DCC: variants seen among roughly 807,000 people sequenced by gnomAD.
DCC encodes the protein netrin receptor DCC.
In DCC, 58 loss-of-function variants were observed where a neutral mutation model predicts 172.5. The observed-to-expected ratio is 0.34, with a 90% CI of 0.27 to 0.42. The LOEUF is 0.42. Among genes scored for constraint, DCC ranks in the 10% least tolerant of loss-of-function variants. The pLI is 1.00. For synonymous variants in DCC, 709 were observed against 644.5 expected (o/e 1.10, Z -1.52); for missense variants, 1,740 against 1,791.0 (o/e 0.97, Z 0.51).
intron 2 of DCC, among the ~76,000 whole-genome samples, chr18:52,849,206 A>G (rs150573264): frequency 1.2e-4 from 19 of 152,304 alleles, no homozygotes; most frequent in African/African-American, 4.1e-4. Context: ...CAGAATTAGT[A>G]CTGTCCAGCA....
chr18:53,306,690 C>T (rs1038913240), intron 13 of DCC, among the ~76,000 whole-genome samples: 1 of 152,220 alleles, frequency 6.6e-6, no homozygotes, highest in Non-Finnish European at 1.5e-5. Context: ...TCTGCAGACA[C>T]ATAGGTGTCT....
intron 5 of DCC, among the ~76,000 whole-genome samples, chr18:53,013,158 T>C (rs2041755244): frequency 6.6e-6 from 1 of 152,106 alleles, no homozygotes; most frequent in Non-Finnish European, 1.5e-5. Flanking sequence ...TGGAAGACAG[T>C]GTGGTGATTC....
chr18:53,327,808 A>C (rs79836387), intron 14 of DCC, among the ~76,000 whole-genome samples: 1 of 152,178 alleles, frequency 6.6e-6, no homozygotes, highest in Non-Finnish European at 1.5e-5. Context: ...TTTGGTGTGC[A>C]CAGAGGAGTG....
chr18:53,367,106 G>A (rs2058014113), intron 15 of DCC, among the ~76,000 whole-genome samples: 1 of 152,118 alleles, frequency 6.6e-6, no homozygotes, highest in Non-Finnish European at 1.5e-5. Context: ...ACAAGTATGT[G>A]AAGATTCATC....
chr18:52,773,844 T>TATA (rs1271449930), intron 2 of DCC, among the ~76,000 whole-genome samples: 6,959 of 151,238 alleles, frequency 0.046, 579 homozygotes, highest in East Asian at 0.41. Flanking sequence ...ATATATATAT[T>TATA]TTTTAAAGGT....
chr18:53,247,350 G>A (rs2056377389), intron 12 of DCC, among the ~76,000 whole-genome samples: 2 of 152,074 alleles, frequency 1.3e-5, no homozygotes, highest in African/African-American at 4.8e-5. Flanking sequence ...ATATTGTTTA[G>A]ACATCCCATA....
chr18:53,459,336 A>T lies in DCC; in HGVS notation c.3497A>T (p.Glu1166Val), dbSNP rs2045522108. The change falls in exon 24 of 29, where the codon GAA (glutamate) becomes GTA (valine). Residue 1166 changes from glutamate (E) to valine (V), a missense_variant. By Grantham distance (121) the Glu-to-Val change is moderately radical. This residue lies in a region of DCC where 1,732 missense variants were observed against 1,767.4 expected (regional missense o/e 0.98). Transcript: ENST00000442544. ...GAAGAAATGGAGATGAAAAATATTGAAAAGCCATCTGGCACTGACCCTGCA... is the reference window on the plus strand; with the variant it reads ...GAAGAAATGGAGATGAAAAATATTGTAAAGCCATCTGGCACTGACCCTGCA... Reference protein sequence around the residue: ...HHEEMEMKNIEKPSGTDPAGR... With the variant: ...HHEEMEMKNIVKPSGTDPAGR... The T allele has an allele frequency of 1.2e-6, 2 of 1,613,984 alleles. No homozygotes were observed. Among genetic ancestry groups the T allele is most frequent in the Non-Finnish European group, 1.7e-6 (2 of 1,179,998 alleles).
At chr18:52,962,053 GACTTCA>G (rs1270423867) in intron 5 of DCC, among the ~76,000 whole-genome samples, 1 of 151,878 alleles carries the variant, frequency 6.6e-6, no homozygotes, top group Non-Finnish European at 1.5e-5. Context: ...CATGGGCAAG[GACTTCA>G]TGTCTAAAAC....
At position 52,906,506 on chromosome 18, in the gene DCC, C is replaced by CTT. The variant is rs11322229; in HGVS notation, c.697+191_697+192dup. Among the ~76,000 whole-genome samples the CTT allele has an allele frequency of 4.0e-4, 56 of 139,684 alleles. 1 individual carries two copies. The highest frequency in any genetic ancestry group is 1.4e-3 in the African/African-American group (53 of 38,032). 91.6% of individuals were successfully genotyped at this position (139,684 alleles called of 152,430 possible). A position where few individuals can be genotyped will look rare whatever the true frequency, so the allele number is the denominator to read the frequency against. On this transcript the variant is annotated intron_variant, in intron 3 of 28. Transcript: ENST00000442544. ...CAATCAGGTTGTACCAAAAGCTGTT[C>CTT]TTTTTTTTTTTTTTCATGTCTTGTT...
At chr18:52,945,747 C>T (rs1186166677) in intron 5 of DCC, among the ~76,000 whole-genome samples, 1 of 146,356 alleles carries the variant, frequency 6.8e-6, no homozygotes, top group African/African-American at 2.5e-5. Flanking sequence ...CAGCCTCCCC[C>T]AAGCTGTCCA....
At chr18:52,849,868 A>G (rs1287138054) in intron 2 of DCC, among the ~76,000 whole-genome samples, 1 of 152,158 alleles carries the variant, frequency 6.6e-6, no homozygotes, top group Non-Finnish European at 1.5e-5. Context: ...GGGCTTTTCC[A>G]CTTTACTGGA....
intron 2 of DCC, among the ~76,000 whole-genome samples, chr18:52,764,241 A>G (rs2037208224): frequency 6.6e-6 from 1 of 152,164 alleles, no homozygotes; most frequent in Non-Finnish European, 1.5e-5. Context: ...CCTACTGCCT[A>G]CTCTGATAAG....
intron 7 of DCC, among the ~76,000 whole-genome samples, chr18:53,117,526 C>G (rs1276543317): frequency 2.0e-5 from 3 of 151,672 alleles, no homozygotes; most frequent in Admixed American, 1.3e-4. Flanking sequence ...ATTTGTATTG[C>G]TGTTTCAAAA....
chr18:52,908,893 C>T (rs186178317), intron 3 of DCC, among the ~76,000 whole-genome samples: 47 of 152,134 alleles, frequency 3.1e-4, no homozygotes, highest in African/African-American at 1.1e-3. Context: ...TAAGATAGTA[C>T]ATGCACGTGT....
chr18:53,489,789 T>TATCA (rs1399039711), intron 26 of DCC, among the ~76,000 whole-genome samples: 2 of 152,210 alleles, frequency 1.3e-5, no homozygotes, highest in African/African-American at 2.4e-5. Context: ...TTCGCTGACC[T>TATCA]ATCAGTAAAT....
At chr18:53,096,373 G>T (rs1228951924) in intron 7 of DCC, among the ~76,000 whole-genome samples, 1 of 151,980 alleles carries the variant, frequency 6.6e-6, no homozygotes. Flanking sequence ...ATTAACAAGA[G>T]CTTGTAAAAA....
chr18:52,768,899 CA>C lies in DCC; in HGVS notation c.412+16526del, dbSNP rs1366980655. On this transcript the variant is annotated intron_variant, in intron 2 of 28. Transcript: ENST00000442544. The stretch of plus-strand genomic sequence containing the variant: ...GAGGGAGAAATAAACAAGGAAGCAA[CA>C]GAAGAGAAAAATATCTGTGGCCATT... 2.6e-5 allele frequency among the ~76,000 whole-genome samples: 4 copies of C among 152,224 alleles called. No individual in the cohort carries two copies. The South Asian group carries it at 8.3e-4, about 32-fold the overall frequency.
intron 2 of DCC, among the ~76,000 whole-genome samples, chr18:52,772,211 C>T (rs989360440): frequency 1.8e-4 from 27 of 152,166 alleles, no homozygotes; most frequent in Non-Finnish European, 1.0e-4. Flanking sequence ...TGCTGAATAT[C>T]TCTTGGTTTA....
chr18:52,934,574 A>G (rs1351270120), intron 5 of DCC, among the ~76,000 whole-genome samples: 1 of 152,136 alleles, frequency 6.6e-6, no homozygotes, highest in Non-Finnish European at 1.5e-5. Context: ...ATGTTTTGTA[A>G]GCTTTCCATT....
Sources: allele counts gnomAD v4.1 joint callset (sites outside exome capture counted in the v4.1 genomes callset), GRCh38; gene constraint gnomAD v4.1.1; regional missense constraint gnomAD v4.1.1; transcripts MANE v1.5; gene names NCBI Gene and HGNC (gene_info 2026-07-23, HGNC 2026-07-21).